TTC27: variants seen among roughly 807,000 people sequenced by gnomAD.
TTC27 encodes the protein tetratricopeptide repeat domain 27.
In TTC27, 79 loss-of-function variants were observed where a neutral mutation model predicts 115.9. The ratio of observed to expected loss-of-function variants is 0.68; its 90% CI spans 0.57 to 0.82. TTC27 has a LOEUF of 0.82. TTC27 is among the 40% of genes least tolerant of loss of function. TTC27 has a pLI of 0.00. For missense variants in TTC27, 1,054 were observed against 993.1 expected, an observed-to-expected ratio of 1.06 and a Z score of -0.82; for synonymous variants, 401 against 356.0, an observed-to-expected ratio of 1.13 and a Z score of -1.42.
chr2:32,762,093 T>C (rs1669455378), intron 13 of TTC27, among the ~76,000 whole-genome samples: 1 of 152,154 alleles, frequency 6.6e-6, no homozygotes, highest in South Asian at 2.1e-4. Flanking sequence ...TAGCAATTTA[T>C]ATGTAAAGCA....
rs759522522 is a variant in TTC27 at position 32,664,259 on chromosome 2, T to C, written c.641-44T>C. On this transcript the variant is annotated intron_variant, in intron 5 of 19. Transcript: ENST00000317907. ...CTCTATTTTACACATTAATATATTTTTCTTCTCATCATAACTTTTAATGTT... is the reference window on the plus strand; with the variant it reads ...CTCTATTTTACACATTAATATATTTCTCTTCTCATCATAACTTTTAATGTT... 3 of 1,520,584 alleles carry C rather than the reference T, an allele frequency of 2.0e-6. No individual in the cohort carries two copies. The East Asian group carries it at 6.8e-5, about 35-fold the overall frequency. The allele number at this position is 1,520,584 out of a possible 1,614,324, so 94.2% of individuals were successfully genotyped here. A position where few individuals can be genotyped will look rare whatever the true frequency, so the allele number is the denominator to read the frequency against.
intron 15 of TTC27, among the ~76,000 whole-genome samples, chr2:32,783,633 C>G (rs1209088120): frequency 6.6e-6 from 1 of 152,142 alleles, no homozygotes; most frequent in Non-Finnish European, 1.5e-5. Context: ...ATGAGGCAGA[C>G]TAGAGGAAAC....
At chr2:32,716,787 G>A (rs1367759028) in intron 10 of TTC27, among the ~76,000 whole-genome samples, 3 of 151,504 alleles carry the variant, frequency 2.0e-5, no homozygotes, top group Non-Finnish European at 4.4e-5. Flanking sequence ...TTGACCTCTT[G>A]GACTCAAGTG....
intron 13 of TTC27, among the ~76,000 whole-genome samples, chr2:32,760,454 C>G (rs1017266023): frequency 1.3e-4 from 20 of 152,058 alleles, no homozygotes; most frequent in African/African-American, 4.6e-4. Flanking sequence ...GGGTGGAGGC[C>G]AGGGATGCTG....
chr2:32,729,302 C>T lies in TTC27; in HGVS notation c.1234-4526C>T, dbSNP rs141686697. On this transcript the variant is annotated intron_variant, in intron 10 of 19. Coordinates refer to ENST00000317907, the MANE Select transcript of TTC27 (RefSeq NM_017735.5). ...TGTCCTTTTTTACTAAATCATTCTC[C>T]ATGTGCTAATTTTAAAATGTAGTTT... Among the ~76,000 whole-genome samples, 18 of 152,304 alleles carry T rather than the reference C, an allele frequency of 1.2e-4. No individual in the cohort carries two copies. In the East Asian group the frequency reaches 3.5e-3, roughly 29 times the overall value.
chr2:32,708,314 T>G (rs1432906574), intron 10 of TTC27, among the ~76,000 whole-genome samples: 1 of 132,120 alleles, frequency 7.6e-6, no homozygotes, highest in Non-Finnish European at 1.6e-5. Flanking sequence ...GTTTTTTTTT[T>G]TTTTTTTTTT....
chr2:32,683,397 C>T (rs1393874371), intron 9 of TTC27, among the ~76,000 whole-genome samples: 1 of 152,180 alleles, frequency 6.6e-6, no homozygotes, highest in African/African-American at 2.4e-5. Context: ...ATGAATGGCT[C>T]TTGGTCCTGA....
At chr2:32,797,321 A>G (rs1307363829) in intron 16 of TTC27, among the ~76,000 whole-genome samples, 1 of 152,120 alleles carries the variant, frequency 6.6e-6, no homozygotes, top group African/African-American at 2.4e-5. Flanking sequence ...CTAGGACCAC[A>G]GGAGCATGCC....
chr2:32,768,054 G>A (rs1035330398), intron 13 of TTC27, among the ~76,000 whole-genome samples: 3 of 151,936 alleles, frequency 2.0e-5, no homozygotes, highest in Admixed American at 2.0e-4. Flanking sequence ...TCAATGACAT[G>A]GTATTAGCAT....
rs758223238 is a variant in TTC27 at position 32,817,499 on chromosome 2, C to G, written c.2351C>G (p.Ala784Gly). Residue 784 changes from alanine to glycine, a missense_variant, in exon 19 of 20, where the codon GCT becomes GGT. By Grantham distance (60) the Ala-to-Gly change is moderately conservative. Coordinates refer to ENST00000317907, the MANE Select transcript of TTC27 (RefSeq NM_017735.5). ...AAAAACAAATCCAGTTCCCAAGAAG[C>G]TGTACAAATGCTTTCTTCTGTTCGA... ...CSKNKSSSQEAVQMLSSVRLN... is the reference protein window; with the variant it reads ...CSKNKSSSQEGVQMLSSVRLN... The G allele has an allele frequency of 6.2e-7, 1 of 1,614,030 alleles. No homozygotes were observed. The highest frequency in any genetic ancestry group is 8.5e-7 in the Non-Finnish European group (1 of 1,179,976).
At chr2:32,813,146 G>A (rs1189624531) in intron 18 of TTC27, among the ~76,000 whole-genome samples, 1 of 152,100 alleles carries the variant, frequency 6.6e-6, no homozygotes, top group Non-Finnish European at 1.5e-5. Context: ...AATAAGCATT[G>A]CTTTTAGTTA....
At chr2:32,673,969 G>T (rs909270504) in intron 8 of TTC27, among the ~76,000 whole-genome samples, 5 of 152,042 alleles carry the variant, frequency 3.3e-5, no homozygotes, top group Non-Finnish European at 7.3e-5. Context: ...GGGTGACAGA[G>T]TGAAACTCTG....
chr2:32,666,610 A>G (rs1206732521), intron 6 of TTC27, 25 bp from the exon 7 acceptor site: 1 of 1,612,598 alleles, frequency 6.2e-7, no homozygotes, highest in South Asian at 1.1e-5. Context: ...GTAAGTCAGT[A>G]GATATAATTT....
chr2:32,666,582 G>A, intron 6 of TTC27, 53 bp from the exon 7 acceptor site: 3 of 1,591,490 alleles, frequency 1.9e-6, no homozygotes, highest in South Asian at 2.3e-5. Flanking sequence ...CTTCATGACT[G>A]TACAGTAGAT....
rs60523679 is a variant in TTC27 at position 32,798,718 on chromosome 2, AT to A, written c.1998+11570del. Among the ~76,000 whole-genome samples the A allele has an allele frequency of 1.5e-3, 207 of 140,076 alleles. 4 individuals carry two copies. The highest frequency in any genetic ancestry group is 2.0e-3 in the Admixed American group (29 of 14,168). 91.9% of individuals were successfully genotyped at this position (140,076 alleles called of 152,430 possible). On this transcript the variant is annotated intron_variant, in intron 16 of 19. Coordinates refer to ENST00000317907, the MANE Select transcript of TTC27 (RefSeq NM_017735.5). ...AGACTCCAGCTCAAAAAAAAAAATA[AT>A]AATAATAATAATAATAATAAGTGTT...
intron 2 of TTC27, 122 bp downstream of exon 2, chr2:32,630,822 A>G: frequency 1.2e-6 from 1 of 831,972 alleles, no homozygotes; most frequent in Non-Finnish European, 1.8e-6. Context: ...CTCAAGACTC[A>G]TGGTGTACCA....
chr2:32,660,154 T>A (rs1288835973), intron 5 of TTC27, among the ~76,000 whole-genome samples: 2 of 152,202 alleles, frequency 1.3e-5, no homozygotes, highest in Non-Finnish European at 2.9e-5. Context: ...TGTTCCTACT[T>A]CTCCACATCT....
chr2:32,637,171 T>G (rs973120332), intron 3 of TTC27, among the ~76,000 whole-genome samples: 2 of 152,228 alleles, frequency 1.3e-5, no homozygotes, highest in African/African-American at 4.8e-5. Context: ...GTATACCATG[T>G]GCTGTCTCCC....
intron 16 of TTC27, among the ~76,000 whole-genome samples, chr2:32,790,085 G>A (rs1484656642): frequency 1.3e-5 from 2 of 151,428 alleles, no homozygotes; most frequent in East Asian, 1.9e-4. Context: ...TTCAGATAAC[G>A]TGATTTAACT....
Sources: allele counts gnomAD v4.1 joint callset (sites outside exome capture counted in the v4.1 genomes callset), GRCh38; gene constraint gnomAD v4.1.1; transcripts MANE v1.5; gene names NCBI Gene and HGNC (gene_info 2026-07-23, HGNC 2026-07-21).